Variants in ARSL observed in about 807,000 individuals in gnomAD.
ARSL encodes the protein arylsulfatase L, also known as arylsulfatase E (chondrodysplasia punctata 1).
A neutral mutation model predicts 31.1 loss-of-function variants in ARSL; 4 were observed. The observed-to-expected ratio is 0.13, with a 90% CI of 0.06 to 0.29. ARSL has a LOEUF of 0.29. Among genes scored for constraint, ARSL ranks in the 10% least tolerant of loss-of-function variants. ARSL has a pLI of 1.00. For missense variants in ARSL, 312 were observed against 497.8 expected (o/e 0.63, Z 3.55); for synonymous variants, 198 against 209.9 (o/e 0.94, Z 0.49).
rs749976358 is a variant in ARSL, at chrX:2,958,432, C to T, written c.27G>A (p.Leu9=). The T allele has an allele frequency of 1.7e-6, 2 of 1,212,061 alleles. No homozygotes were observed. The highest frequency in any genetic ancestry group is 2.2e-6 in the Non-Finnish European group (2 of 895,600). Residue 9 remains leucine (L), a synonymous_variant, in exon 3 of 11, where the codon TTG becomes TTA. Coordinates refer to ENST00000381134, the MANE Select transcript of ARSL (RefSeq NM_000047.3). ...TCGCTGGCAGCCAGCTCCTGAAACA[C>T]AAACTGTCAGAGACTGCGTCATGCT... The part of the protein sequence containing the change: MLHLHHSC[L]CFRSWLPAML...
upstream of ARSL, among the ~76,000 whole-genome samples, chrX:2,967,086 CAT>C (rs2089706003): frequency 9.0e-6 from 1 of 111,023 alleles, no homozygotes; most frequent in Admixed American, 9.6e-5. Context: ...ATGCATATAA[CAT>C]ATATATGTAC....
rs766342598 is a variant in ARSL at position 2,949,486 on chromosome X, C to A, written c.672G>T (p.Trp224Cys). The change falls in exon 6 of 11, where the codon TGG becomes TGT. Residue 224 changes from tryptophan (W) to cysteine (C), a missense_variant. By Grantham distance (215) the Trp-to-Cys change is radical. Coordinates refer to ENST00000381134, the MANE Select transcript of ARSL (RefSeq NM_000047.3). ...AAAGGGCTGACCAGATGACCGGCATCCACGAGACGGGTATCAGGTGTGTGA... is the reference window on the plus strand; with the variant it reads ...AAAGGGCTGACCAGATGACCGGCATACACGAGACGGGTATCAGGTGTGTGA... ...GKLTHLIPVS[W>C]MPVIWSALSA... is the part of the protein sequence containing the mutation. 3.1e-5 allele frequency: 37 copies of A among 1,209,095 alleles called. No individual in the cohort carries two copies. Among genetic ancestry groups the A allele is most frequent in the Non-Finnish European group, 3.7e-5 (33 of 895,104 alleles).
In ARSL at chrX:2,958,397, A is replaced by G. The variant is rs1439498734; in HGVS notation, c.62T>C (p.Val21Ala). The G allele has an allele frequency of 3.3e-6, 4 of 1,210,824 alleles. No individual in the cohort carries two copies. The African/African-American group carries it at 7.0e-5, about 21-fold the overall frequency. ...AGCTGATGGTGCCAAACTTAGCAGT[A>G]CAGCGAGCATCGCTGGCAGCCAGCT... is the stretch of plus-strand genomic sequence containing the variant. Reference protein sequence around the residue: ...FRSWLPAMLAVLLSLAPSASS... With the variant: ...FRSWLPAMLAALLSLAPSASS... The change falls in exon 3 of 11, where the codon GTA (valine) becomes GCA (alanine). Residue 21 changes from valine to alanine, a missense_variant. Val to Ala is a moderately conservative substitution (Grantham distance 64). Transcript: ENST00000381134.
chrX:2,963,312 A>G (rs1462582268), intron 1 of ARSL, among the ~76,000 whole-genome samples: 1 of 111,065 alleles, frequency 9.0e-6, no homozygotes, highest in Non-Finnish European at 1.9e-5. Context: ...CAAAATGAGC[A>G]TTTTAATACC....
intron 6 of ARSL, among the ~76,000 whole-genome samples, chrX:2,949,048 G>A (rs1428323423): frequency 1.8e-5 from 2 of 110,312 alleles, no homozygotes; most frequent in Non-Finnish European, 3.8e-5. Flanking sequence ...TCAGCCTCCC[G>A]AGTAGCTGGG....
At chrX:2,937,924 C>T (rs1332726247) in intron 9 of ARSL, among the ~76,000 whole-genome samples, 171 bp downstream of exon 9, 1 of 112,234 alleles carries the variant, frequency 8.9e-6, no homozygotes, top group East Asian at 2.8e-4. Context: ...TTTCTTTCCT[C>T]GTTCATTTGC....
At chrX:2,944,416 T>C (rs1246791818) in intron 7 of ARSL, among the ~76,000 whole-genome samples, 2 of 102,201 alleles carry the variant, frequency 2.0e-5, no homozygotes, top group African/African-American at 3.6e-5. Flanking sequence ...ACCGTGCCAT[T>C]GCACTCCAGC....
At chrX:2,961,767 T>A (rs745846852) in intron 1 of ARSL, among the ~76,000 whole-genome samples, 3 of 111,304 alleles carry the variant, frequency 2.7e-5, no homozygotes, top group Non-Finnish European at 5.7e-5. Flanking sequence ...ATCTATTGTC[T>A]CTAAGGGCAG....
At chrX:2,939,872 T>A (rs1228089891) in intron 8 of ARSL, among the ~76,000 whole-genome samples, 1 of 92,231 alleles carries the variant, frequency 1.1e-5, no homozygotes, top group Non-Finnish European at 2.2e-5. Flanking sequence ...ACCTTTTTTT[T>A]TTTTTTTTTT....
intron 1 of ARSL, 97 bp from the exon 2 acceptor site, chrX:2,960,517 C>T: frequency 1.2e-6 from 1 of 843,643 alleles, no homozygotes; most frequent in Admixed American, 2.4e-5. Flanking sequence ...ACTTTGATTC[C>T]CGTTCATGAT....
chrX:2,958,196 T>C (rs2089552864), intron 3 of ARSL, 78 bp downstream of exon 3: 2 of 1,152,716 alleles, frequency 1.7e-6, no homozygotes, highest in Non-Finnish European at 1.2e-6. Flanking sequence ...GATCAAGGGT[T>C]ATATGCATTT....
chrX:2,953,594 C>A (rs1312767899), intron 4 of ARSL, among the ~76,000 whole-genome samples: 1 of 112,022 alleles, frequency 8.9e-6, no homozygotes, highest in Admixed American at 9.5e-5. Flanking sequence ...GTTCTGTCGT[C>A]CAGGCTGGAA....
At chrX:2,945,123 C>T (rs755867446) in intron 7 of ARSL, among the ~76,000 whole-genome samples, 43 of 110,674 alleles carry the variant, frequency 3.9e-4, no homozygotes, top group Non-Finnish European at 6.4e-4. Flanking sequence ...TGGGGAGGAG[C>T]TACTTTAGGG....
rs1232358447 is a variant in ARSL, at chrX:2,938,144, C to T, written c.1240G>A (p.Val414Met). The change falls in exon 9 of 11, where the codon GTG becomes ATG. Residue 414 changes from valine to methionine, a missense_variant. Physicochemically the swap from Val to Met is conservative, Grantham distance 21. Coordinates refer to ENST00000381134, the MANE Select transcript of ARSL (RefSeq NM_000047.3). ...VIGEPTSLMD[V>M]FPTVVRLAGG... is the part of the protein sequence containing the mutation. ...GCCAGCCGGACCACGGTGGGGAACA[C>T]GTCCATCAGACTCGTGGGCTCGCCA... is the stretch of plus-strand genomic sequence containing the variant. 4.1e-6 allele frequency: 5 copies of T among 1,210,535 alleles called. No individual in the cohort carries two copies. The highest frequency in any genetic ancestry group is 1.8e-5 in the South Asian group (1 of 56,868).
chrX:2,946,651 C>A (rs1410275027), intron 6 of ARSL, among the ~76,000 whole-genome samples: 1 of 107,088 alleles, frequency 9.3e-6, no homozygotes, highest in African/African-American at 3.4e-5. Context: ...AGCCACCATG[C>A]CTTTCTGGTC....
chrX:2,950,211 CTT>C (rs1020059259), intron 5 of ARSL, among the ~76,000 whole-genome samples: 5 of 111,482 alleles, frequency 4.5e-5, no homozygotes, highest in Non-Finnish European at 7.5e-5. Flanking sequence ...GACCTAATCT[CTT>C]GTCTCATAAG....
chrX:2,957,094 G>A (rs930441187), intron 3 of ARSL, among the ~76,000 whole-genome samples: 7 of 107,721 alleles, frequency 6.5e-5, no homozygotes, highest in Non-Finnish European at 1.2e-4. Context: ...GGTGGTGGGC[G>A]CCTGTAGTCC....
upstream of ARSL, among the ~76,000 whole-genome samples, chrX:2,964,997 C>T (rs772997929): frequency 9.1e-6 from 1 of 109,315 alleles, no homozygotes; most frequent in South Asian, 4.0e-4. Context: ...GCCAGCTACT[C>T]AGGAGGCTGA....
At chrX:2,958,101 G>A (rs913610240) in intron 3 of ARSL, among the ~76,000 whole-genome samples, 173 bp downstream of exon 3, 1 of 112,276 alleles carries the variant, frequency 8.9e-6, no homozygotes, top group Admixed American at 9.5e-5. Context: ...ATTGAGGTGA[G>A]GTTAGTGCTG....
Sources: allele counts gnomAD v4.1 joint callset (sites outside exome capture counted in the v4.1 genomes callset), GRCh38; gene constraint gnomAD v4.1.1; transcripts MANE v1.5; gene names NCBI Gene and HGNC (gene_info 2026-07-23, HGNC 2026-07-21).